Variants in VASH1 observed in about 807,000 individuals in gnomAD.
VASH1 encodes tubulinyl-Tyr carboxypeptidase 1.
VASH1 carries 16 observed loss-of-function variants against 35.0 expected under a neutral mutation model. The ratio of observed to expected loss-of-function variants is 0.46; its 90% CI spans 0.31 to 0.70. The LOEUF (loss-of-function observed/expected upper bound fraction) is 0.70, where lower values mean the gene tolerates loss of function less well. Among genes scored for constraint, VASH1 ranks in the 30% least tolerant of loss-of-function variants. The pLI is 0.05. For missense variants in VASH1, 505 were observed against 510.7 expected, an observed-to-expected ratio of 0.99 and a Z score of 0.11; for synonymous variants, 214 against 200.9, an observed-to-expected ratio of 1.07 and a Z score of -0.55.
chr14:76,764,593 G>A (rs755838100), intron 1 of VASH1, among the ~76,000 whole-genome samples: 26 of 151,992 alleles, frequency 1.7e-4, no homozygotes, highest in Non-Finnish European at 3.4e-4. Flanking sequence ...ATAAGATGAG[G>A]TTGATTGTGG....
intron 5 of VASH1, among the ~76,000 whole-genome samples, chr14:76,777,239 T>TGCGTTA (rs1321648639): frequency 3.3e-5 from 5 of 152,242 alleles, no homozygotes; most frequent in Admixed American, 6.5e-5. Context: ...CAGCCAACCC[T>TGCGTTA]GCGTTAGAGA....
intron 1 of VASH1, among the ~76,000 whole-genome samples, chr14:76,767,294 G>A (rs1312354260): frequency 3.2e-5 from 4 of 126,828 alleles, no homozygotes; most frequent in Admixed American, 8.6e-5. Context: ...AAAAAGTCAC[G>A]ACTGTAAATG....
chr14:76,773,209 A>C lies in VASH1; in HGVS notation c.528A>C (p.Gly176=), dbSNP rs1485306785. The change falls in exon 4 of 7, where the codon GGA becomes GGC. Residue 176 remains glycine (G), a splice_region_variant and synonymous_variant. Coordinates refer to ENST00000167106, the MANE Select transcript of VASH1 (RefSeq NM_014909.5). ...PIKCLEAVIL[G]IYLTNSMPTL... ...AATGCCTGGAAGCCGTGATCCTGGG[A>C]ATGTATCCTTCCTCACCTGAAGGGG... The C allele has an allele frequency of 6.2e-7, 1 of 1,614,082 alleles. No homozygotes were observed. Among genetic ancestry groups the C allele is most frequent in the Admixed American group, 1.7e-5 (1 of 60,024 alleles).
rs998884461 is a variant in VASH1 at position 76,762,058 on chromosome 14, G to T, written c.-764G>T. The T allele has an allele frequency of 1.3e-5, 2 of 152,502 alleles. No homozygotes were observed. The highest frequency in any genetic ancestry group is 2.4e-5 in the African/African-American group (1 of 41,448). The allele number at this position is 152,502 out of a possible 1,614,324, so 9.4% of individuals were successfully genotyped here. A position where few individuals can be genotyped will look rare whatever the true frequency, so the allele number is the denominator to read the frequency against. The stretch of plus-strand genomic sequence containing the variant: ...CTCGCAGCCTTCGCCTCCCCGCCGC[G>T]CCCGCTCCCTTTCTGGGGACTCCGC... On this transcript the variant is annotated 5_prime_UTR_variant, in exon 1 of 7. Coordinates refer to ENST00000167106, the MANE Select transcript of VASH1 (RefSeq NM_014909.5).
chr14:76,778,859 C>A, intron 6 of VASH1, 87 bp from the exon 7 acceptor site: 1 of 1,338,646 alleles, frequency 7.5e-7, no homozygotes, highest in Non-Finnish European at 1.1e-6. Context: ...GGCGGGGAAG[C>A]CACCAGGCAG....
Position 76,769,954 on chromosome 14 carries a change from T to TGTCCCCAG in VASH1, c.310-8_310-1dup. ...CTTCTTGTGACCGGAGCTCTTTCTC[T>TGTCCCCAG]GTCCCCAGATCCCCATACCGAGTGT... On this transcript the variant is annotated splice_polypyrimidine_tract_variant and intron_variant, in intron 1 of 6. Transcript: ENST00000167106. The TGTCCCCAG allele has an allele frequency of 6.2e-7, 1 of 1,613,714 alleles. No homozygotes were observed. Among genetic ancestry groups the TGTCCCCAG allele is most frequent in the Non-Finnish European group, 8.5e-7 (1 of 1,179,648 alleles).
At chr14:76,778,428 A>G (rs1894007381) in intron 6 of VASH1, among the ~76,000 whole-genome samples, 1 of 152,212 alleles carries the variant, frequency 6.6e-6, no homozygotes, top group Admixed American at 6.5e-5. Flanking sequence ...CCCCCACCCA[A>G]GAGTCTGGTT....
In VASH1 at chr14:76,779,036, C is replaced by T; in HGVS notation, c.*18C>T. ...GGGTCTGAGGCGGATGCCAGCACCCCAGGCCCCACCCACTCTTGGGGGCCA... is the reference window on the plus strand; with the variant it reads ...GGGTCTGAGGCGGATGCCAGCACCCTAGGCCCCACCCACTCTTGGGGGCCA... On this transcript the variant is annotated 3_prime_UTR_variant, in exon 7 of 7. Coordinates refer to ENST00000167106, the MANE Select transcript of VASH1 (RefSeq NM_014909.5). The T allele has an allele frequency of 6.2e-7, 1 of 1,613,516 alleles. No individual in the cohort carries two copies.
At chr14:76,775,546 A>G (rs1893913226) in intron 4 of VASH1, among the ~76,000 whole-genome samples, 1 of 152,028 alleles carries the variant, frequency 6.6e-6, no homozygotes, top group South Asian at 2.1e-4. Context: ...AGGGCGAGGG[A>G]GTGAGGCAGG....
At chr14:76,772,353 A>G (rs1284579638) in intron 3 of VASH1, among the ~76,000 whole-genome samples, 1 of 152,174 alleles carries the variant, frequency 6.6e-6, no homozygotes, top group African/African-American at 2.4e-5. Context: ...TTATTAGCAA[A>G]ATTACTTAAT....
At chr14:76,768,509 C>T (rs993649229) in intron 1 of VASH1, among the ~76,000 whole-genome samples, 11 of 152,100 alleles carry the variant, frequency 7.2e-5, no homozygotes, top group Admixed American at 5.2e-4. Context: ...TTCCCTCCTG[C>T]GTCTCCACCC....
intron 5 of VASH1, 141 bp from the exon 6 acceptor site, chr14:76,777,818 G>A: frequency 3.8e-6 from 2 of 529,084 alleles, no homozygotes; most frequent in Non-Finnish European, 6.2e-6. Context: ...GGTTGGGAAA[G>A]ATCCAGACAG....
At chr14:76,771,552 G>C (rs559910851) in intron 3 of VASH1, among the ~76,000 whole-genome samples, 2 of 152,210 alleles carry the variant, frequency 1.3e-5, no homozygotes, top group South Asian at 4.1e-4. Flanking sequence ...GTGGATTGTA[G>C]GTGAGCCTCA....
Position 76,776,093 on chromosome 14 carries a change from G to C in VASH1, c.732G>C (p.Glu244Asp). 6.2e-7 allele frequency: 1 copy of C among 1,608,312 alleles called. No homozygotes were observed. The highest frequency in any genetic ancestry group is 1.3e-5 in the African/African-American group (1 of 75,024). The change falls in exon 5 of 7, where the codon GAG (glutamate) becomes GAC (aspartate). Residue 244 changes from glutamate (E) to aspartate (D), a missense_variant. Coordinates refer to ENST00000167106, the MANE Select transcript of VASH1 (RefSeq NM_014909.5). ...RTLSELVLDF[E>D]AAYGRCWHVL... Reference sequence around the variant, plus strand: ...TCAGCGAGCTCGTGCTGGACTTCGAGGCCGCCTACGGCCGCTGCTGGCACG... The same window carrying C: ...TCAGCGAGCTCGTGCTGGACTTCGACGCCGCCTACGGCCGCTGCTGGCACG...
rs1413465565 is a variant in VASH1, at chr14:76,779,657, A to C, written c.*639A>C. 2 of 605,548 alleles carry C rather than the reference A, an allele frequency of 3.3e-6. No individual in the cohort carries two copies. The highest frequency in any genetic ancestry group is 5.9e-6 in the Non-Finnish European group (2 of 339,742). The allele number at this position is 605,548 out of a possible 1,614,324, so 37.5% of individuals were successfully genotyped here. ...TCAGGCCCTTGAGGCCCCCATGGGC[A>C]GTGCTGTGTGGGCAGAGGAGGGGTG... On this transcript the variant is annotated 3_prime_UTR_variant, in exon 7 of 7. Transcript: ENST00000167106.
At chr14:76,767,329 G>A (rs1339979277) in intron 1 of VASH1, among the ~76,000 whole-genome samples, 3 of 152,168 alleles carry the variant, frequency 2.0e-5, no homozygotes, top group Non-Finnish European at 4.4e-5. Flanking sequence ...CCATAGTGAT[G>A]ATCTAGTTGG....
At chr14:76,763,512 G>A (rs551161069) in intron 1 of VASH1, among the ~76,000 whole-genome samples, 3 of 152,310 alleles carry the variant, frequency 2.0e-5, no homozygotes, top group South Asian at 2.1e-4. Flanking sequence ...GGCTTCATAT[G>A]TTGAGAAAAT....
Position 76,780,812 on chromosome 14 carries a change from A to G in VASH1, c.*1794A>G, listed in dbSNP as rs1894085347. 6.6e-6 allele frequency: 1 copy of G among 152,224 alleles called. No homozygotes were observed. The highest frequency in any genetic ancestry group is 2.1e-4 in the South Asian group (1 of 4,822). The allele number at this position is 152,224 out of a possible 1,614,324, so 9.4% of individuals were successfully genotyped here. A position where few individuals can be genotyped will look rare whatever the true frequency, so the allele number is the denominator to read the frequency against. On this transcript the variant is annotated 3_prime_UTR_variant, in exon 7 of 7. Transcript: ENST00000167106. Reference sequence around the variant, plus strand: ...CCAGTTTGCAATCCCTGAAGTAGAGAGAGCTCGTGCTGGGGAGAAGTCCAC... The same window carrying G: ...CCAGTTTGCAATCCCTGAAGTAGAGGGAGCTCGTGCTGGGGAGAAGTCCAC...
At position 76,771,224 on chromosome 14, in the gene VASH1, A is replaced by T; in HGVS notation, c.433A>T (p.Lys145Ter). 1 of 1,604,796 alleles carries T rather than the reference A, an allele frequency of 6.2e-7. No homozygotes were observed. Among genetic ancestry groups the T allele is most frequent in the Non-Finnish European group, 8.5e-7 (1 of 1,175,580 alleles). ...NHTGTQFFEI[K>*]KSRPLTGLMD... ...CACAGGGACACAGTTCTTTGAAATT[A>T]AGAAGAGCAGACCTCTGACAGGGTA... The change falls in exon 3 of 7, where the codon AAG becomes TAG. Residue 145 changes from lysine to a stop codon, truncating the protein, a stop_gained. Transcript: ENST00000167106. LOFTEE classifies it high-confidence loss of function.
Sources: gnomAD v4.1 joint callset for allele counts (sites outside exome capture counted in the v4.1 genomes callset) on GRCh38, gnomAD v4.1.1 for gene constraint, MANE v1.5 for transcripts, NCBI Gene and HGNC (gene_info 2026-07-23, HGNC 2026-07-21) for gene names.